Variants in DIAPH2 observed in about 807,000 individuals in gnomAD.
The protein encoded by DIAPH2 is diaphanous related formin 2, also known as protein diaphanous homolog 2.
Under a neutral mutation model 92.7 loss-of-function variants are expected in DIAPH2, and 35 were observed. That is an observed-to-expected ratio of 0.38 (90% CI 0.29 to 0.50). DIAPH2 has a LOEUF of 0.50. DIAPH2 is among the 20% of genes least tolerant of loss of function. The pLI is 0.94. For synonymous variants in DIAPH2, 301 were observed against 280.4 expected (o/e 1.07, Z -0.73); for missense variants, 701 against 819.5 (o/e 0.86, Z 1.77).
chrX:96,862,322 A>C (rs981235657), intron 4 of DIAPH2, among the ~76,000 whole-genome samples: 15 of 112,034 alleles, frequency 1.3e-4, no homozygotes, highest in African/African-American at 4.5e-4. Flanking sequence ...TATTAACAAC[A>C]AGCACAATGC....
chrX:97,340,893 T>G (rs1407395803), intron 23 of DIAPH2, among the ~76,000 whole-genome samples: 1 of 109,942 alleles, frequency 9.1e-6, no homozygotes, highest in African/African-American at 3.3e-5. Flanking sequence ...CCTTAAGTGA[T>G]CCACCTGCCT....
chrX:97,168,869 C>G (rs1751340636), intron 22 of DIAPH2, among the ~76,000 whole-genome samples: 1 of 112,016 alleles, frequency 8.9e-6, no homozygotes, highest in African/African-American at 3.2e-5. Context: ...CAAGTGCTTT[C>G]ATGTCTTTTT....
intron 17 of DIAPH2, among the ~76,000 whole-genome samples, chrX:97,057,877 G>A (rs1006230829): frequency 5.5e-5 from 6 of 110,084 alleles, no homozygotes; most frequent in Admixed American, 2.9e-4. Context: ...ATAAACGTTT[G>A]GTTCTCTAAA....
intron 23 of DIAPH2, among the ~76,000 whole-genome samples, chrX:97,251,884 T>G (rs1473955884): frequency 8.9e-6 from 1 of 111,866 alleles, no homozygotes; most frequent in Non-Finnish European, 1.9e-5. Context: ...ACCTTCTTGC[T>G]TCTGTGGTCC....
intron 19 of DIAPH2, among the ~76,000 whole-genome samples, chrX:97,081,262 T>G (rs2066742352): frequency 9.0e-6 from 1 of 111,620 alleles, no homozygotes; most frequent in South Asian, 3.7e-4. Flanking sequence ...ATTAAAAATT[T>G]TTTTTTGTTT....
intron 26 of DIAPH2, among the ~76,000 whole-genome samples, chrX:97,447,019 G>A (rs772850852): frequency 4.1e-4 from 46 of 111,086 alleles, no homozygotes; most frequent in African/African-American, 1.5e-3. Flanking sequence ...CTCCAAAGCT[G>A]CTTTTGCACC....
chrX:97,296,518 T>C (rs1457281058), intron 23 of DIAPH2, among the ~76,000 whole-genome samples: 5 of 112,011 alleles, frequency 4.5e-5, no homozygotes, highest in African/African-American at 1.6e-4. Flanking sequence ...CCCTCTGAGA[T>C]CTTTAAATTC....
At chrX:97,414,653 CA>C (rs56828730) in intron 25 of DIAPH2, among the ~76,000 whole-genome samples, 2,179 of 37,739 alleles carry the variant, frequency 0.058, 47 homozygotes, top group African/African-American at 0.12. Flanking sequence ...GACTCTGTCT[CA>C]AAAAAAAAAA....
intron 19 of DIAPH2, among the ~76,000 whole-genome samples, chrX:97,090,737 A>C (rs779051937): frequency 9.0e-6 from 1 of 111,677 alleles, no homozygotes; most frequent in East Asian, 2.8e-4. Flanking sequence ...CTCCCAGAGT[A>C]ATCAAAGACT....
intron 17 of DIAPH2, among the ~76,000 whole-genome samples, chrX:96,994,385 A>G (rs2066091357): frequency 9.0e-6 from 1 of 111,695 alleles, no homozygotes; most frequent in East Asian, 2.8e-4. Flanking sequence ...ATGAATGGGA[A>G]AAACAAAAGT....
intron 17 of DIAPH2, among the ~76,000 whole-genome samples, chrX:96,995,309 G>C (rs1409125256): frequency 8.9e-6 from 1 of 111,867 alleles, no homozygotes; most frequent in Non-Finnish European, 1.9e-5. Context: ...AGGACCATTG[G>C]AGGTATCTGT....
intron 26 of DIAPH2, among the ~76,000 whole-genome samples, chrX:97,488,318 T>C (rs1416132489): frequency 8.9e-6 from 1 of 112,506 alleles, no homozygotes; most frequent in Non-Finnish European, 1.9e-5. Flanking sequence ...TCTTGAGTTA[T>C]TTGAGTTCCT....
chrX:97,288,529 G>A (rs2068564060), intron 23 of DIAPH2, among the ~76,000 whole-genome samples: 1 of 110,304 alleles, frequency 9.1e-6, no homozygotes, highest in African/African-American at 3.3e-5. Context: ...GGATCACGAG[G>A]TCAGGAGTTC....
At chrX:97,347,439 G>GA (rs1379685576) in intron 23 of DIAPH2, among the ~76,000 whole-genome samples, 1 of 108,768 alleles carries the variant, frequency 9.2e-6, no homozygotes, top group African/African-American at 3.3e-5. Flanking sequence ...TAAAAAGAGA[G>GA]AAAAAAAAAT....
intron 22 of DIAPH2, among the ~76,000 whole-genome samples, chrX:97,209,846 C>T (rs1300489555): frequency 2.7e-5 from 3 of 110,774 alleles, no homozygotes; most frequent in Admixed American, 9.8e-5. Context: ...TTATAATCCT[C>T]TTCTTAATGA....
intron 4 of DIAPH2, among the ~76,000 whole-genome samples, chrX:96,855,831 A>C (rs189840750): frequency 4.4e-4 from 49 of 111,595 alleles, no homozygotes; most frequent in African/African-American, 1.5e-3. Flanking sequence ...GAGATTGGAT[A>C]TTCCGAACTA....
intron 24 of DIAPH2, among the ~76,000 whole-genome samples, chrX:97,367,991 G>A (rs1007631596): frequency 8.9e-5 from 10 of 112,286 alleles, no homozygotes; most frequent in Non-Finnish European, 1.9e-5. Context: ...GATTACAGGC[G>A]TGAGCCACTG....
At chrX:96,893,781 A>G (rs926453257) in intron 5 of DIAPH2, among the ~76,000 whole-genome samples, 1 of 112,035 alleles carries the variant, frequency 8.9e-6, no homozygotes, top group African/African-American at 3.2e-5. Context: ...ATAGCTGACA[A>G]CTCACAATTA....
At chrX:97,573,146 C>A (rs2071380108) in intron 26 of DIAPH2, among the ~76,000 whole-genome samples, 1 of 110,922 alleles carries the variant, frequency 9.0e-6, no homozygotes, top group Non-Finnish European at 1.9e-5. Context: ...ATAATGGGGT[C>A]ATTGAAGCAG....
Sources: gnomAD v4.1 joint callset for allele counts (sites outside exome capture counted in the v4.1 genomes callset) on GRCh38, gnomAD v4.1.1 for gene constraint, MANE v1.5 for transcripts, NCBI Gene and HGNC (gene_info 2026-07-23, HGNC 2026-07-21) for gene names.